GREB1L: variants seen among roughly 807,000 people sequenced by gnomAD.
The protein encoded by GREB1L is GREB1-like protein.
GREB1L carries 17 observed loss-of-function variants against 200.8 expected under a neutral mutation model. That is an observed-to-expected ratio of 0.08 (90% CI 0.06 to 0.13). The LOEUF (loss-of-function observed/expected upper bound fraction) is 0.13. Ranked by LOEUF, GREB1L falls within the 10% of genes least tolerant of loss-of-function variation. GREB1L has a pLI of 1.00. For synonymous variants in GREB1L, 789 were observed against 893.0 expected (o/e 0.88, Z 2.08); for missense variants, 1,657 against 2,367.7 (o/e 0.70, Z 6.23).
At chr18:21,512,458 C>T (rs1372002949) in intron 27 of GREB1L, among the ~76,000 whole-genome samples, 4 of 152,050 alleles carry the variant, frequency 2.6e-5, no homozygotes, top group Non-Finnish European at 5.9e-5. Flanking sequence ...CTCTTGATTT[C>T]CTTTAGATTG....
intron 1 of GREB1L, among the ~76,000 whole-genome samples, chr18:21,296,123 C>T (rs1397775046): frequency 6.6e-6 from 1 of 152,150 alleles, no homozygotes; most frequent in Non-Finnish European, 1.5e-5. Context: ...GACACATGCC[C>T]TCACATATTC....
intron 4 of GREB1L, among the ~76,000 whole-genome samples, chr18:21,394,054 T>C (rs1217924193): frequency 6.6e-6 from 1 of 152,172 alleles, no homozygotes; most frequent in African/African-American, 2.4e-5. Flanking sequence ...TCTTTCAGCC[T>C]CCTGCCTGTG....
chr18:21,312,612 G>A (rs903427017), intron 1 of GREB1L, among the ~76,000 whole-genome samples: 1 of 151,846 alleles, frequency 6.6e-6, no homozygotes, highest in African/African-American at 2.4e-5. Flanking sequence ...GGAGTGCAGT[G>A]GCATGATCTC....
At chr18:21,267,434 G>A (rs531823850) in intron 1 of GREB1L, among the ~76,000 whole-genome samples, 3 of 152,116 alleles carry the variant, frequency 2.0e-5, no homozygotes, top group South Asian at 2.1e-4. Flanking sequence ...TACCTGCCTC[G>A]GTCTCCCAAA....
chr18:21,293,617 A>G (rs2038483770), intron 1 of GREB1L, among the ~76,000 whole-genome samples: 2 of 151,254 alleles, frequency 1.3e-5, no homozygotes, highest in Non-Finnish European at 2.9e-5. Flanking sequence ...GATACTAATA[A>G]TTAATCCCTT....
At chr18:21,404,111 A>G in intron 7 of GREB1L, 117 bp downstream of exon 7, 1 of 893,968 alleles carries the variant, frequency 1.1e-6, no homozygotes, top group Non-Finnish European at 1.7e-6. Context: ...TAAAGGTATT[A>G]CTTGAGTTAC....
At chr18:21,521,289 T>G (rs1244580961) in intron 32 of GREB1L, among the ~76,000 whole-genome samples, 2 of 151,334 alleles carry the variant, frequency 1.3e-5, no homozygotes, top group Non-Finnish European at 2.9e-5. Context: ...GAGAATCGCT[T>G]AAACCCGGAA....
chr18:21,261,874 A>G (rs2037895568), intron 1 of GREB1L, among the ~76,000 whole-genome samples: 1 of 152,098 alleles, frequency 6.6e-6, no homozygotes, highest in South Asian at 2.1e-4. Context: ...TTAATTTTTT[A>G]TTTTCTAAAT....
At position 21,523,009 on chromosome 18, in the gene GREB1L, A is replaced by G; in HGVS notation, c.*188A>G. On this transcript the variant is annotated 3_prime_UTR_variant, in exon 33 of 33. Coordinates refer to ENST00000424526, the MANE Select transcript of GREB1L (RefSeq NM_001142966.3). ...GGGACATCACTTTCCTTCAGTTCCA[A>G]TTACAGGACCCTTAAATTCAGGTAA... 2 of 535,974 alleles carry G rather than the reference A, an allele frequency of 3.7e-6. No homozygotes were observed. Among genetic ancestry groups the G allele is most frequent in the South Asian group, 6.2e-5 (2 of 32,490 alleles). The allele number at this position is 535,974 out of a possible 1,614,324, so 33.2% of individuals were successfully genotyped here.
At chr18:21,455,927 A>T (rs1189665819) in intron 15 of GREB1L, among the ~76,000 whole-genome samples, 1 of 124,084 alleles carries the variant, frequency 8.1e-6, no homozygotes. Context: ...TTTGTGAGAC[A>T]TAGTCTCACT....
chr18:21,410,778 A>G (rs1466885229), intron 7 of GREB1L, among the ~76,000 whole-genome samples: 1 of 152,070 alleles, frequency 6.6e-6, no homozygotes, highest in Non-Finnish European at 1.5e-5. Context: ...TGTAATACAT[A>G]AAACTAACAA....
At position 21,522,843 on chromosome 18, in the gene GREB1L, G is replaced by C; in HGVS notation, c.*22G>C. Reference sequence around the variant, plus strand: ...ATGAGCTTTTGAAGAGACCAAAACAGCAAAAAGATGCCTAGGTGGGATGGG... The same window carrying C: ...ATGAGCTTTTGAAGAGACCAAAACACCAAAAAGATGCCTAGGTGGGATGGG... On this transcript the variant is annotated 3_prime_UTR_variant, in exon 33 of 33. Coordinates refer to ENST00000424526, the MANE Select transcript of GREB1L (RefSeq NM_001142966.3). 1 of 1,522,240 alleles carries C rather than the reference G, an allele frequency of 6.6e-7. No individual in the cohort carries two copies. Among genetic ancestry groups the C allele is most frequent in the Non-Finnish European group, 8.8e-7 (1 of 1,132,358 alleles). 94.3% of individuals were successfully genotyped at this position (1,522,240 alleles called of 1,614,324 possible).
At chr18:21,491,568 C>A (rs2036336736) in intron 19 of GREB1L, among the ~76,000 whole-genome samples, 1 of 151,892 alleles carries the variant, frequency 6.6e-6, no homozygotes, top group South Asian at 2.1e-4. Context: ...AAAAAATTAG[C>A]CAGGTGTGGT....
At chr18:21,440,067 A>G (rs1438672670) in intron 8 of GREB1L, among the ~76,000 whole-genome samples, 1 of 152,176 alleles carries the variant, frequency 6.6e-6, no homozygotes, top group East Asian at 1.9e-4. Context: ...CAACATACAG[A>G]TGTTAAGTGG....
chr18:21,451,748 G>A (rs574850108), intron 13 of GREB1L, among the ~76,000 whole-genome samples: 5 of 151,690 alleles, frequency 3.3e-5, no homozygotes, highest in African/African-American at 1.2e-4. Context: ...CCTGTGCCTT[G>A]GCCTTCCAAA....
chr18:21,478,154 A>G (rs1356826253), intron 17 of GREB1L, among the ~76,000 whole-genome samples: 1 of 152,144 alleles, frequency 6.6e-6, no homozygotes, highest in East Asian at 1.9e-4. Flanking sequence ...TTTGTTTTAA[A>G]TCAGTTTTCA....
chr18:21,348,113 T>C (rs902505597), intron 1 of GREB1L, among the ~76,000 whole-genome samples: 2 of 151,404 alleles, frequency 1.3e-5, no homozygotes, highest in Non-Finnish European at 2.9e-5. Context: ...CCCGGCTAAT[T>C]TTTTTGTATT....
chr18:21,292,661 G>A (rs191227715), intron 1 of GREB1L, among the ~76,000 whole-genome samples: 3 of 152,258 alleles, frequency 2.0e-5, no homozygotes, highest in African/African-American at 7.2e-5. Context: ...TTCAAGGTCC[G>A]TCCATGTAAG....
intron 1 of GREB1L, among the ~76,000 whole-genome samples, chr18:21,286,538 T>TCTG (rs1211566814): frequency 6.6e-6 from 1 of 152,208 alleles, no homozygotes; most frequent in Non-Finnish European, 1.5e-5. Context: ...TGTGGTCAAG[T>TCTG]CTGAGGCTGT....
Sources: allele counts gnomAD v4.1 joint callset (sites outside exome capture counted in the v4.1 genomes callset), GRCh38; gene constraint gnomAD v4.1.1; transcripts MANE v1.5; gene names NCBI Gene and HGNC (gene_info 2026-07-23, HGNC 2026-07-21).